WARS1: variants seen among roughly 807,000 people sequenced by gnomAD.
WARS1 encodes tryptophanyl-tRNA synthetase 1.
Under a neutral mutation model 47.8 loss-of-function variants are expected in WARS1, and 17 were observed. The observed-to-expected ratio is 0.36, with a 90% CI of 0.24 to 0.53. The LOEUF (loss-of-function observed/expected upper bound fraction) is 0.53, where lower values mean the gene tolerates loss of function less well. WARS1 is among the 20% of genes least tolerant of loss of function. The pLI, the probability that WARS1 is intolerant of heterozygous loss-of-function variation, is 0.91. For synonymous variants in WARS1, 208 were observed against 228.1 expected (o/e 0.91, Z 0.79); for missense variants, 434 against 608.0 (o/e 0.71, Z 3.01).
intron 4 of WARS1, among the ~76,000 whole-genome samples, 162 bp from the exon 5 acceptor site, chr14:100,354,728 C>T (rs1172853092): frequency 6.6e-6 from 1 of 152,190 alleles, no homozygotes; most frequent in Non-Finnish European, 1.5e-5. Context: ...AGACAGGAAA[C>T]TTCTACTGAA....
At chr14:100,358,112 A>C (rs1233611623) in intron 4 of WARS1, among the ~76,000 whole-genome samples, 1 of 152,200 alleles carries the variant, frequency 6.6e-6, no homozygotes, top group Non-Finnish European at 1.5e-5. Context: ...AATCTTGAAA[A>C]AGAACCATGT....
At chr14:100,342,070 C>A (rs1894197343) in intron 9 of WARS1, 1 of 345,778 alleles carries the variant, frequency 2.9e-6, no homozygotes, top group Non-Finnish European at 5.7e-6. Context: ...TATTTAATAA[C>A]ATCCACACTA....
At chr14:100,357,057 C>T (rs1895365850) in intron 4 of WARS1, among the ~76,000 whole-genome samples, 1 of 152,136 alleles carries the variant, frequency 6.6e-6, no homozygotes, top group African/African-American at 2.4e-5. Context: ...AGGCCAAAAC[C>T]CACATGATCA....
intron 2 of WARS1, chr14:100,365,472 T>A (rs894220762): frequency 7.8e-6 from 2 of 257,372 alleles, no homozygotes; most frequent in Non-Finnish European, 1.6e-5. Flanking sequence ...CCCAGCTACT[T>A]ACGAGGCCAG....
chr14:100,361,138 T>C (rs867573211), intron 3 of WARS1, among the ~76,000 whole-genome samples: 1 of 152,258 alleles, frequency 6.6e-6, no homozygotes, highest in Non-Finnish European at 1.5e-5. Context: ...ACTGAAATCA[T>C]GGAAAATGGC....
chr14:100,374,806 A>G (rs1164588990), intron 1 of WARS1: 1 of 133,710 alleles, frequency 7.5e-6, no homozygotes, highest in Non-Finnish European at 1.6e-5. Context: ...AGAGGACAAG[A>G]AAATGACTTC....
intron 6 of WARS1, among the ~76,000 whole-genome samples, chr14:100,352,403 C>A (rs906677416): frequency 1.8e-4 from 27 of 152,160 alleles, no homozygotes; most frequent in African/African-American, 6.0e-4. Flanking sequence ...CAGGCATGAG[C>A]CACCGCGCCT....
intron 9 of WARS1, among the ~76,000 whole-genome samples, chr14:100,339,103 TCACA>T (rs528163285): frequency 6.9e-6 from 1 of 145,298 alleles, no homozygotes; most frequent in Non-Finnish European, 1.5e-5. Context: ...TGAAACTCCA[TCACA>T]CACACACACA....
At chr14:100,366,835 A>G in intron 2 of WARS1, 4 of 1,561,300 alleles carry the variant, frequency 2.6e-6, no homozygotes, top group Non-Finnish European at 3.5e-6. Context: ...TGTTTAAAGG[A>G]TTCAAATGGG....
At chr14:100,351,486 T>C (rs1894974133) in intron 6 of WARS1, among the ~76,000 whole-genome samples, 1 of 127,640 alleles carries the variant, frequency 7.8e-6, no homozygotes. Flanking sequence ...AACCCATGAG[T>C]GAGACTCTGT....
At chr14:100,360,697 CAGG>C in intron 3 of WARS1, 35 bp from the exon 4 acceptor site, 1 of 1,528,444 alleles carries the variant, frequency 6.5e-7, no homozygotes. Flanking sequence ...TCTTAGGTGG[CAGG>C]AGGTTTAGTG....
chr14:100,344,433 C>G (rs1234026192), intron 7 of WARS1, among the ~76,000 whole-genome samples: 1 of 152,124 alleles, frequency 6.6e-6, no homozygotes, highest in Non-Finnish European at 1.5e-5. Flanking sequence ...CGGCTCGCTA[C>G]AACCTCCACC....
At chr14:100,350,549 C>T (rs1185877072) in intron 6 of WARS1, among the ~76,000 whole-genome samples, 3 of 152,156 alleles carry the variant, frequency 2.0e-5, no homozygotes, top group African/African-American at 7.2e-5. Flanking sequence ...AGGTGGTGGT[C>T]TTTTCACATG....
intron 10 of WARS1, among the ~76,000 whole-genome samples, chr14:100,335,831 C>T (rs889003812): frequency 1.3e-5 from 2 of 152,160 alleles, no homozygotes; most frequent in Non-Finnish European, 2.9e-5. Context: ...GTGGGTCTCC[C>T]GCTAACATTT....
Position 100,337,094 on chromosome 14 carries a change from C to T in WARS1, c.1222G>A (p.Glu408Lys), listed in dbSNP as rs758076089. 20 of 1,613,994 alleles carry T rather than the reference C, an allele frequency of 1.2e-5. No individual in the cohort carries two copies. Among genetic ancestry groups the T allele is most frequent in the Middle Eastern group, 1.6e-4 (1 of 6,084 alleles). ...ATCTGCTCGAGCTTGTCGTCGTCCT[C>T]GAGGAAGAAGGTCAGGTACATGAAA... ...VSFMYLTFFL[E>K]DDDKLEQIRK... The change falls in exon 10 of 11, where the codon GAG becomes AAG. Residue 408 changes from glutamate (E) to lysine (K), a missense_variant. Transcript: ENST00000392882.
intron 9 of WARS1, among the ~76,000 whole-genome samples, chr14:100,338,601 A>G (rs1893910875): frequency 6.7e-6 from 1 of 148,808 alleles, no homozygotes; most frequent in Non-Finnish European, 1.5e-5. Context: ...TGCCCGGCTA[A>G]TTTTGTATTT....
chr14:100,350,298 A>G (rs1206139147), intron 6 of WARS1, among the ~76,000 whole-genome samples: 1 of 149,690 alleles, frequency 6.7e-6, no homozygotes, highest in Non-Finnish European at 1.5e-5. Flanking sequence ...AGGCTGAGGC[A>G]TGAGAATTGC....
rs764179308 is a variant in WARS1 at position 100,342,413 on chromosome 14, C to T, written c.1098G>A (p.Lys366=). Residue 366 remains lysine, a synonymous_variant, in exon 9 of 11, where the codon AAG becomes AAA. Coordinates refer to ENST00000392882, the MANE Select transcript of WARS1 (RefSeq NM_004184.4). Reference sequence around the variant, plus strand: ...CACTGCTCACCTTGGTTTTGATCTGCTTGGCCGTGTCGGTGAGGAAGATGG... The same window carrying T: ...CACTGCTCACCTTGGTTTTGATCTGTTTGGCCGTGTCGGTGAGGAAGATGG... ...NSSIFLTDTA[K]QIKTKVNKHA... is the part of the protein sequence containing the mutation. 9.3e-6 allele frequency: 15 copies of T among 1,613,990 alleles called. No individual in the cohort carries two copies. Among genetic ancestry groups the T allele is most frequent in the Non-Finnish European group, 1.3e-5 (15 of 1,179,920 alleles).
intron 4 of WARS1, among the ~76,000 whole-genome samples, chr14:100,359,731 C>T (rs961649381): frequency 6.6e-6 from 1 of 152,080 alleles, no homozygotes; most frequent in East Asian, 1.9e-4. Flanking sequence ...GGTCTCACAA[C>T]CTTGTGAATA....
Sources: allele counts gnomAD v4.1 joint callset (sites outside exome capture counted in the v4.1 genomes callset), GRCh38; gene constraint gnomAD v4.1.1; transcripts MANE v1.5; gene names NCBI Gene and HGNC (gene_info 2026-07-23, HGNC 2026-07-21).